The following ADK variants were observed in gnomAD, a reference collection of about 807,000 sequenced individuals.
ADK encodes the protein adenosine kinase, also known as N6,N6-dimethyladenosine kinase.
ADK carries 24 observed loss-of-function variants against 44.7 expected under a neutral mutation model. The ratio of observed to expected loss-of-function variants is 0.54; its 90% CI spans 0.39 to 0.76. The LOEUF (loss-of-function observed/expected upper bound fraction) is 0.76. Among genes scored for constraint, ADK ranks in the 30% least tolerant of loss-of-function variants. The pLI, the probability that ADK is intolerant of heterozygous loss-of-function variation, is 0.00. For missense variants in ADK, 321 were observed against 425.1 expected (o/e 0.76, Z 2.15); for synonymous variants, 128 against 142.6 (o/e 0.90, Z 0.73).
intron 3 of ADK, among the ~76,000 whole-genome samples, chr10:74,264,099 T>C (rs931675579): frequency 6.6e-6 from 1 of 152,232 alleles, no homozygotes; most frequent in Non-Finnish European, 1.5e-5. Flanking sequence ...CACATGTAAC[T>C]AGTGAGTAAT....
At chr10:74,583,986 AG>A (rs1851452019) in intron 7 of ADK, among the ~76,000 whole-genome samples, 1 of 152,222 alleles carries the variant, frequency 6.6e-6, no homozygotes, top group African/African-American at 2.4e-5. Context: ...TCCTAGAGCG[AG>A]GGCTCAGAGA....
chr10:74,394,091 T>C (rs1261748416), intron 4 of ADK, 50 bp from the exon 5 acceptor site: 7 of 1,565,978 alleles, frequency 4.5e-6, no homozygotes, highest in Non-Finnish European at 6.2e-6. Flanking sequence ...TATTAAACTA[T>C]GTGTACCATT....
chr10:74,205,491 T>C (rs184149392), intron 2 of ADK, among the ~76,000 whole-genome samples: 116 of 151,852 alleles, frequency 7.6e-4, no homozygotes, highest in Non-Finnish European at 1.5e-3. Context: ...GCCTGGCCAA[T>C]AGGGCAAAAT....
At chr10:74,525,521 C>G in intron 7 of ADK, 95 bp downstream of exon 7, 1 of 1,177,642 alleles carries the variant, frequency 8.5e-7, no homozygotes, top group South Asian at 1.4e-5. Flanking sequence ...TAAATTAAAT[C>G]CTAAATTTTT....
At chr10:74,630,063 A>T (rs909300989) in intron 9 of ADK, among the ~76,000 whole-genome samples, 1 of 152,130 alleles carries the variant, frequency 6.6e-6, no homozygotes, top group African/African-American at 2.4e-5. Context: ...TTGGTCTTAA[A>T]TTTTTTAATT....
intron 7 of ADK, chr10:74,527,611 G>A (rs144734668): frequency 5.1e-6 from 4 of 782,174 alleles, no homozygotes; most frequent in Non-Finnish European, 7.1e-6. Context: ...TGCCGGTGCA[G>A]TGAGAGCAGC....
At chr10:74,410,908 T>G (rs1272903060) in intron 6 of ADK, among the ~76,000 whole-genome samples, 2 of 152,154 alleles carry the variant, frequency 1.3e-5, no homozygotes, top group Non-Finnish European at 2.9e-5. Flanking sequence ...GTTCAAAGTA[T>G]TTTTGGAATT....
At chr10:74,286,415 T>C (rs1194819614) in intron 3 of ADK, among the ~76,000 whole-genome samples, 1 of 152,168 alleles carries the variant, frequency 6.6e-6, no homozygotes, top group Non-Finnish European at 1.5e-5. Flanking sequence ...TTATCAAGGC[T>C]TTACTGAGTG....
intron 1 of ADK, among the ~76,000 whole-genome samples, chr10:74,188,177 A>C (rs1842824615): frequency 2.0e-5 from 3 of 152,036 alleles, no homozygotes; most frequent in South Asian, 2.1e-4. Context: ...AAATTTCCTA[A>C]TATTCTGTTA....
chr10:74,677,403 T>C (rs1855430758), intron 10 of ADK, among the ~76,000 whole-genome samples: 1 of 152,236 alleles, frequency 6.6e-6, no homozygotes, highest in African/African-American at 2.4e-5. Context: ...TCTCTAATTA[T>C]CTTCATATTT....
intron 4 of ADK, among the ~76,000 whole-genome samples, chr10:74,316,457 A>T (rs1840622931): frequency 6.6e-6 from 1 of 152,126 alleles, no homozygotes; most frequent in South Asian, 2.1e-4. Context: ...TCATGGGTGC[A>T]GTTTCCTTCA....
At chr10:74,415,467 T>TTC (rs1844336841) in intron 6 of ADK, among the ~76,000 whole-genome samples, 1 of 152,212 alleles carries the variant, frequency 6.6e-6, no homozygotes, top group African/African-American at 2.4e-5. Context: ...GTCTACAGAA[T>TTC]GGTATCTGTC....
chr10:74,485,703 A>T (rs563990406), intron 6 of ADK, among the ~76,000 whole-genome samples: 1 of 152,254 alleles, frequency 6.6e-6, no homozygotes, highest in Non-Finnish European at 1.5e-5. Context: ...ATTATATCCA[A>T]TATCTAGAAC....
intron 4 of ADK, among the ~76,000 whole-genome samples, chr10:74,349,063 A>G (rs1264008573): frequency 1.3e-5 from 2 of 151,970 alleles, no homozygotes; most frequent in African/African-American, 2.4e-5. Context: ...AATATGGAGA[A>G]CACTGCAAAG....
chr10:74,245,600 T>TG (rs1845385784), intron 3 of ADK, among the ~76,000 whole-genome samples: 1 of 150,974 alleles, frequency 6.6e-6, no homozygotes, highest in South Asian at 2.1e-4. Context: ...TTTTGTTTTT[T>TG]TTTTTTTTGA....
intron 4 of ADK, among the ~76,000 whole-genome samples, chr10:74,325,780 TG>T (rs997867949): frequency 3.9e-5 from 6 of 152,228 alleles, no homozygotes; most frequent in African/African-American, 1.4e-4. Context: ...GTTATTGATT[TG>T]TGTATGTTGA....
At chr10:74,383,408 GTC>G (rs1554851152) in intron 4 of ADK, among the ~76,000 whole-genome samples, 4 of 150,218 alleles carry the variant, frequency 2.7e-5, no homozygotes, top group Admixed American at 6.6e-5. Flanking sequence ...CTCTGTCTCT[GTC>G]TCTCTCTCTC....
intron 9 of ADK, among the ~76,000 whole-genome samples, chr10:74,646,479 T>C (rs1364424182): frequency 1.3e-5 from 2 of 152,160 alleles, no homozygotes; most frequent in Non-Finnish European, 2.9e-5. Context: ...TATGCTTAGG[T>C]CTTCCCTTCA....
intron 6 of ADK, among the ~76,000 whole-genome samples, chr10:74,523,073 CTG>C (rs938953548): frequency 6.6e-6 from 1 of 152,158 alleles, no homozygotes; most frequent in African/African-American, 2.4e-5. Context: ...CACATGTAAG[CTG>C]TGTGTCCTAA....
Sources: allele counts gnomAD v4.1 joint callset (sites outside exome capture counted in the v4.1 genomes callset), GRCh38; gene constraint gnomAD v4.1.1; transcripts MANE v1.5; gene names NCBI Gene and HGNC (gene_info 2026-07-23, HGNC 2026-07-21).